EDIL3: variants seen among roughly 807,000 people sequenced by gnomAD.
EDIL3 encodes the protein EGF like and discoidin domains 3.
In EDIL3, 37 loss-of-function variants were observed where a neutral mutation model predicts 67.4. The ratio of observed to expected loss-of-function variants is 0.55; its 90% CI spans 0.42 to 0.72. The LOEUF is 0.72. Ranked by LOEUF, EDIL3 falls within the 30% of genes least tolerant of loss-of-function variation. EDIL3 has a pLI of 0.00. For synonymous variants in EDIL3, 195 were observed against 196.3 expected (o/e 0.99, Z 0.05); for missense variants, 527 against 586.3 (o/e 0.90, Z 1.04).
chr5:84,263,539 G>T (rs966066699), intron 1 of EDIL3, among the ~76,000 whole-genome samples: 6 of 152,178 alleles, frequency 3.9e-5, no homozygotes, highest in Non-Finnish European at 7.4e-5. Flanking sequence ...ACGGGGCAGA[G>T]TTGGCATCCT....
chr5:84,062,335 C>A lies in EDIL3; in HGVS notation c.953-1851G>T, dbSNP rs1285896653. Among the ~76,000 whole-genome samples, 4 of 152,140 alleles carry A rather than the reference C, an allele frequency of 2.6e-5. No individual in the cohort carries two copies. The East Asian group carries it at 5.8e-4, about 22-fold the overall frequency. On this transcript the variant is annotated intron_variant, in intron 8 of 10. Coordinates refer to ENST00000296591, the MANE Select transcript of EDIL3 (RefSeq NM_005711.5). ...CATCTTTGCCTCTACCTGCATCCCA[C>A]CCCCCAAGTCTTTGAAAACTTTGCT...
At chr5:84,340,254 A>C (rs1642129959) in intron 1 of EDIL3, among the ~76,000 whole-genome samples, 1 of 151,794 alleles carries the variant, frequency 6.6e-6, no homozygotes, top group African/African-American at 2.4e-5. Flanking sequence ...CAAGAAAAAA[A>C]AATCAGTGTC....
At chr5:84,204,352 ATTATAATTAGC>A (rs1743913356) in intron 3 of EDIL3, among the ~76,000 whole-genome samples, 1 of 152,216 alleles carries the variant, frequency 6.6e-6, no homozygotes, top group Admixed American at 6.5e-5. Context: ...GTCTACTCTG[ATTATAATTAGC>A]ACAGATGTTA....
In EDIL3 at chr5:84,263,641, G is replaced by T. The variant is rs765245555; in HGVS notation, c.68-9429C>A. ...GTAAAGGTTAAATGTTAGAATGCAG[G>T]TTACAAGTTTAGTGAAGTTCCTGCC... On this transcript the variant is annotated intron_variant, in intron 1 of 10. Transcript: ENST00000296591. Among the ~76,000 whole-genome samples, 6 of 152,088 alleles carry T rather than the reference G, an allele frequency of 3.9e-5. No homozygotes were observed. In the South Asian group the frequency reaches 1.2e-3, roughly 32 times the overall value.
intron 9 of EDIL3, among the ~76,000 whole-genome samples, chr5:84,029,848 T>A (rs1745886215): frequency 6.6e-6 from 1 of 152,160 alleles, no homozygotes; most frequent in African/African-American, 2.4e-5. Context: ...AAAGATCTAT[T>A]TAAAAAATTG....
At chr5:84,051,827 G>A (rs1404809107) in intron 9 of EDIL3, among the ~76,000 whole-genome samples, 1 of 152,156 alleles carries the variant, frequency 6.6e-6, no homozygotes, top group Non-Finnish European at 1.5e-5. Context: ...CCAAATCTAC[G>A]TCTGATTGGT....
At chr5:84,318,080 T>C (rs1746552066) in intron 1 of EDIL3, among the ~76,000 whole-genome samples, 1 of 151,980 alleles carries the variant, frequency 6.6e-6, no homozygotes, top group South Asian at 2.1e-4. Context: ...GAGAATAAAA[T>C]ACCTAGGAAT....
intron 10 of EDIL3, among the ~76,000 whole-genome samples, chr5:83,956,459 T>G (rs1744515668): frequency 6.6e-6 from 1 of 151,770 alleles, no homozygotes; most frequent in Admixed American, 6.6e-5. Context: ...TAACAACTGC[T>G]ATCACACTAC....
At chr5:83,978,901 A>G (rs990329846) in intron 9 of EDIL3, among the ~76,000 whole-genome samples, 7 of 152,118 alleles carry the variant, frequency 4.6e-5, no homozygotes, top group African/African-American at 1.7e-4. Flanking sequence ...AGCATTTGTG[A>G]CATGAAGTAG....
intron 1 of EDIL3, among the ~76,000 whole-genome samples, chr5:84,270,213 T>C (rs976795128): frequency 2.6e-5 from 4 of 152,158 alleles, no homozygotes; most frequent in African/African-American, 9.7e-5. Context: ...AAAAACCCAA[T>C]TAGCAGCAAA....
At chr5:84,288,356 C>T (rs1359151368) in intron 1 of EDIL3, among the ~76,000 whole-genome samples, 5 of 152,092 alleles carry the variant, frequency 3.3e-5, no homozygotes, top group South Asian at 4.1e-4. Context: ...CATTTCTTTG[C>T]TTTTATTTTT....
At chr5:84,012,186 C>T (rs186226223) in intron 9 of EDIL3, among the ~76,000 whole-genome samples, 47 of 152,236 alleles carry the variant, frequency 3.1e-4, no homozygotes, top group Non-Finnish European at 5.1e-4. Flanking sequence ...GAAAAGAAGA[C>T]GTGATACAGA....
At chr5:84,360,682 G>T (rs1057484843) in intron 1 of EDIL3, among the ~76,000 whole-genome samples, 1 of 152,006 alleles carries the variant, frequency 6.6e-6, no homozygotes, top group African/African-American at 2.4e-5. Flanking sequence ...GTAGAACCTG[G>T]TATACATCCA....
intron 3 of EDIL3, among the ~76,000 whole-genome samples, chr5:84,194,119 T>G (rs1206743548): frequency 2.0e-5 from 3 of 151,882 alleles, no homozygotes; most frequent in African/African-American, 7.2e-5. Context: ...AGTAAAAACA[T>G]GGAGAATGAA....
intron 2 of EDIL3, among the ~76,000 whole-genome samples, chr5:84,253,511 G>A (rs72776577): frequency 0.076 from 11,492 of 152,048 alleles, 584 homozygotes; most frequent in South Asian, 0.2. Flanking sequence ...TACATATTTC[G>A]CAGATTTTTT....
chr5:84,228,152 T>C (rs1392955220), intron 3 of EDIL3, among the ~76,000 whole-genome samples: 3 of 152,030 alleles, frequency 2.0e-5, no homozygotes, highest in African/African-American at 7.2e-5. Flanking sequence ...GGCTGCCCTA[T>C]TGGACAACAC....
intron 6 of EDIL3, among the ~76,000 whole-genome samples, chr5:84,105,501 G>A (rs1165505579): frequency 6.6e-6 from 1 of 152,002 alleles, no homozygotes; most frequent in Non-Finnish European, 1.5e-5. Context: ...CCAAATGCCT[G>A]TAAACTAGTT....
intron 9 of EDIL3, among the ~76,000 whole-genome samples, chr5:84,022,050 A>G (rs550593868): frequency 6.6e-6 from 1 of 152,046 alleles, no homozygotes; most frequent in South Asian, 2.1e-4. Context: ...AACTAATTCT[A>G]TGAGGCATTC....
chr5:84,320,062 G>T (rs1746603807), intron 1 of EDIL3, among the ~76,000 whole-genome samples: 1 of 152,018 alleles, frequency 6.6e-6, no homozygotes, highest in Admixed American at 6.6e-5. Context: ...ATGACGAGTT[G>T]ATGGGTGCAG....
Sources: allele counts gnomAD v4.1 joint callset (sites outside exome capture counted in the v4.1 genomes callset), GRCh38; gene constraint gnomAD v4.1.1; transcripts MANE v1.5; gene names NCBI Gene and HGNC (gene_info 2026-07-23, HGNC 2026-07-21).